Variants in ITGB1 observed in about 807,000 individuals in gnomAD.
ITGB1 encodes the protein integrin beta-1.
A neutral mutation model predicts 86.5 loss-of-function variants in ITGB1; 24 were observed. The observed-to-expected ratio is 0.28, with a 90% CI of 0.20 to 0.39. ITGB1 has a LOEUF of 0.39. ITGB1 is among the 10% of genes least tolerant of loss of function. ITGB1 has a pLI of 1.00. For synonymous variants in ITGB1, 323 were observed against 316.8 expected (o/e 1.02, Z -0.21); for missense variants, 556 against 946.9 (o/e 0.59, Z 5.42).
At chr10:32,922,377 C>T (rs199769625) in intron 8 of ITGB1, 31 bp from the exon 9 acceptor site, 1 of 1,412,252 alleles carries the variant, frequency 7.1e-7, no homozygotes, top group Non-Finnish European at 1.0e-6. Flanking sequence ...ACGTAAAATA[C>T]AACTGCTATT....
chr10:32,938,779 A>C (rs1390582464), intron 1 of ITGB1, among the ~76,000 whole-genome samples: 1 of 152,212 alleles, frequency 6.6e-6, no homozygotes, highest in Non-Finnish European at 1.5e-5. Context: ...TATCTGTAAA[A>C]GGCGAGGCTT....
In ITGB1 at chr10:32,901,560, C is replaced by T. The variant is rs992856813; in HGVS notation, c.*10G>A. On this transcript the variant is annotated 3_prime_UTR_variant, in exon 16 of 16. Coordinates refer to ENST00000302278, the MANE Select transcript of ITGB1 (RefSeq NM_002211.4). ...TGCATTCAGTGTTGTGGGATTTGCA[C>T]GGGCAGTACTCATTTTCCCTCATAC... 12 of 1,537,720 alleles carry T rather than the reference C, an allele frequency of 7.8e-6. No individual in the cohort carries two copies. The highest frequency in any genetic ancestry group is 6.9e-5 in the South Asian group (6 of 86,490).
chr10:32,952,285 G>A (rs542023686), intron 1 of ITGB1, among the ~76,000 whole-genome samples: 3 of 151,856 alleles, frequency 2.0e-5, no homozygotes, highest in South Asian at 4.2e-4. Context: ...ATTAATCATG[G>A]CCTTCTAAAA....
intron 2 of ITGB1, among the ~76,000 whole-genome samples, chr10:32,935,213 C>G (rs938814275): frequency 1.3e-5 from 2 of 152,182 alleles, no homozygotes; most frequent in Non-Finnish European, 2.9e-5. Context: ...TGTTCACTTA[C>G]ACACTCTCAT....
chr10:32,936,436 G>GAAAGA (rs891959991), intron 1 of ITGB1, among the ~76,000 whole-genome samples: 1 of 151,524 alleles, frequency 6.6e-6, no homozygotes, highest in Non-Finnish European at 1.5e-5. Context: ...CAAAAAAAAA[G>GAAAGA]AAAGAAAAGA....
intron 15 of ITGB1, among the ~76,000 whole-genome samples, chr10:32,906,838 C>T (rs2094897876): frequency 1.3e-5 from 2 of 152,132 alleles, no homozygotes; most frequent in South Asian, 4.1e-4. Flanking sequence ...TAACTGATTG[C>T]AAAGCACATT....
At chr10:32,946,072 T>C (rs1170870603) in intron 1 of ITGB1, among the ~76,000 whole-genome samples, 1 of 152,248 alleles carries the variant, frequency 6.6e-6, no homozygotes. Context: ...TTGAAATCTA[T>C]GTTTTCAGAT....
chr10:32,919,823 T>C (rs994721165), intron 11 of ITGB1, 62 bp downstream of exon 11: 2 of 1,432,736 alleles, frequency 1.4e-6, no homozygotes, highest in Admixed American at 1.7e-5. Context: ...TCCCAAAATA[T>C]GACCTGCCTA....
chr10:32,956,789 T>C (rs150721020), intron 1 of ITGB1, among the ~76,000 whole-genome samples: 275 of 152,344 alleles, frequency 1.8e-3, no homozygotes, highest in Non-Finnish European at 2.5e-3. Flanking sequence ...CCAATGATGT[T>C]ACCAATTATC....
rs762870584 is a variant in ITGB1 at position 32,907,124 on chromosome 10, T to C, written c.2331+1244A>G. On this transcript the variant is annotated intron_variant, in intron 15 of 15. Coordinates refer to ENST00000302278, the MANE Select transcript of ITGB1 (RefSeq NM_002211.4). The stretch of plus-strand genomic sequence containing the variant: ...ATTCTTGAAATTATTAATAGGACTC[T>C]TGTAAATCGGATTTTCTTGCTAAAG... The C allele has an allele frequency of 1.5e-6, 2 of 1,339,658 alleles. No individual in the cohort carries two copies. The highest frequency in any genetic ancestry group is 1.2e-5 in the South Asian group (1 of 85,588). The allele number at this position is 1,339,658 out of a possible 1,614,324, so 83.0% of individuals were successfully genotyped here.
chr10:32,915,130 A>G, intron 11 of ITGB1, among the ~76,000 whole-genome samples: 1 of 152,250 alleles, frequency 6.6e-6, no homozygotes, highest in East Asian at 1.9e-4. Context: ...GAACAAAGAC[A>G]CAACATACCA....
intron 9 of ITGB1, among the ~76,000 whole-genome samples, 183 bp from the exon 10 acceptor site, chr10:32,920,568 T>A (rs1481946139): frequency 6.6e-6 from 1 of 152,150 alleles, no homozygotes; most frequent in Non-Finnish European, 1.5e-5. Flanking sequence ...AAGGATCAAA[T>A]CTTTAAAATA....
Position 32,947,404 on chromosome 10 carries a change from G to A in ITGB1, c.-1+10741C>T, listed in dbSNP as rs76217583. Among the ~76,000 whole-genome samples the A allele has an allele frequency of 7.5e-3, 1,096 of 145,898 alleles. 6 individuals carry two copies. Among genetic ancestry groups the A allele is most frequent in the Middle Eastern group, 0.025 (7 of 280 alleles). On this transcript the variant is annotated intron_variant, in intron 1 of 15. Transcript: ENST00000302278. ...TGGCAAGAACTGGGGAGGAAAGAAA[G>A]ACTAAAGCCAGGTGATTCACATATA... is the stretch of plus-strand genomic sequence containing the variant.
intron 12 of ITGB1, 100 bp from the exon 13 acceptor site, chr10:32,911,770 G>A: frequency 7.0e-7 from 1 of 1,433,122 alleles, no homozygotes; most frequent in Non-Finnish European, 9.7e-7. Flanking sequence ...AGTATACCTA[G>A]GGGCGAGACT....
At position 32,950,447 on chromosome 10, in the gene ITGB1, T is replaced by C. The variant is rs184149746; in HGVS notation, c.-1+7698A>G. 7.3e-3 allele frequency among the ~76,000 whole-genome samples: 1,112 copies of C among 152,256 alleles called. 5 individuals are homozygous for C. The highest frequency in any genetic ancestry group is 0.024 in the Middle Eastern group (7 of 294). ...GAAGAACAATTAAAACTCAACACTT[T>C]TTTTCCTTCCATCTGGCAGGAAGAG... is the stretch of plus-strand genomic sequence containing the variant. On this transcript the variant is annotated intron_variant, in intron 1 of 15. Coordinates refer to ENST00000302278, the MANE Select transcript of ITGB1 (RefSeq NM_002211.4).
At chr10:32,928,391 A>G (rs2094972312) in intron 4 of ITGB1, 127 bp from the exon 5 acceptor site, 4 of 563,336 alleles carry the variant, frequency 7.1e-6, no homozygotes, top group Non-Finnish European at 1.3e-5. Flanking sequence ...TAATTTTTAC[A>G]AAAACCTGGG....
At chr10:32,912,943 G>A (rs1438073179) in intron 11 of ITGB1, among the ~76,000 whole-genome samples, 5 of 152,182 alleles carry the variant, frequency 3.3e-5, no homozygotes, top group East Asian at 1.9e-4. Flanking sequence ...ATACAGCCCG[G>A]TGCCCCTCTG....
At chr10:32,906,611 A>C in intron 15 of ITGB1, 1 of 175,686 alleles carries the variant, frequency 5.7e-6, no homozygotes, top group South Asian at 1.1e-4. Context: ...AAATAAACAG[A>C]AAAAGAACAA....
At chr10:32,944,160 A>G (rs2095025660) in intron 1 of ITGB1, among the ~76,000 whole-genome samples, 1 of 152,238 alleles carries the variant, frequency 6.6e-6, no homozygotes, top group Non-Finnish European at 1.5e-5. Context: ...CACCAGCTGG[A>G]ATCAGAGGCC....
Sources: gnomAD v4.1 joint callset for allele counts (sites outside exome capture counted in the v4.1 genomes callset) on GRCh38, gnomAD v4.1.1 for gene constraint, MANE v1.5 for transcripts, NCBI Gene and HGNC (gene_info 2026-07-23, HGNC 2026-07-21) for gene names.